Variants in GSE1 observed in about 807,000 individuals in gnomAD.
GSE1 encodes genetic suppressor element 1.
A neutral mutation model predicts 112.6 loss-of-function variants in GSE1; 32 were observed. The ratio of observed to expected loss-of-function variants is 0.28; its 90% CI spans 0.21 to 0.38. The LOEUF (loss-of-function observed/expected upper bound fraction) is 0.38. Ranked by LOEUF, GSE1 falls within the 10% of genes least tolerant of loss-of-function variation. The pLI is 1.00. For missense variants in GSE1, 2,348 were observed against 1,699.2 expected, an observed-to-expected ratio of 1.38 and a Z score of -6.71; for synonymous variants, 1,115 against 735.6, an observed-to-expected ratio of 1.52 and a Z score of -8.35.
intron 1 of GSE1, among the ~76,000 whole-genome samples, chr16:85,262,986 T>C (rs1907862203): frequency 6.6e-6 from 1 of 152,178 alleles, no homozygotes; most frequent in Admixed American, 6.5e-5. Context: ...GCTGAGCTTC[T>C]AGCAGGGAAG....
intron 2 of GSE1, among the ~76,000 whole-genome samples, chr16:85,399,631 G>C (rs1393932317): frequency 6.6e-6 from 1 of 152,212 alleles, no homozygotes; most frequent in African/African-American, 2.4e-5. Context: ...GCAGTACCAA[G>C]CTTCGTGTCC....
Position 85,277,599 on chromosome 16 carries a change from G to C in GSE1, c.2284-79864G>C, listed in dbSNP as rs995779433. 2.0e-5 allele frequency among the ~76,000 whole-genome samples: 3 copies of C among 152,296 alleles called. No individual in the cohort carries two copies. In the East Asian group the frequency reaches 5.8e-4, roughly 29 times the overall value. On this transcript the variant is annotated intron_variant, in intron 1 of 2. Coordinates refer to the GSE1 transcript ENST00000637419. ...CTGAAGCCCTCCCGCCTACCCACAG[G>C]TGCCTCATCCAGCCCAACTTCCACC... is the stretch of plus-strand genomic sequence containing the variant.
At chr16:85,425,945 G>A (rs1167985531) in intron 2 of GSE1, among the ~76,000 whole-genome samples, 1 of 152,158 alleles carries the variant, frequency 6.6e-6, no homozygotes, top group Admixed American at 6.6e-5. Context: ...GCTTGTCAGT[G>A]GCGAGGCCGG....
intron 1 of GSE1, among the ~76,000 whole-genome samples, chr16:85,343,402 C>T (rs905177643): frequency 7.9e-5 from 12 of 151,994 alleles, no homozygotes; most frequent in African/African-American, 1.2e-4. Flanking sequence ...TGAAGGGTGT[C>T]GGGGATGGCT....
chr16:85,373,902 C>A lies in GSE1; in HGVS notation c.2464+16259C>A, dbSNP rs1230456095. On this transcript the variant is annotated intron_variant, in intron 2 of 2. Coordinates refer to the GSE1 transcript ENST00000637419. This position sits in a 1 kb window ranked among gnomAD's most constrained non-coding sequence, Gnocchi z 5.1. ...TTCATGAGCGGCAGCCTCCAGGCACCCGCCCGGCCTCCCTCCCCGCTCCCC... is the reference window on the plus strand; with the variant it reads ...TTCATGAGCGGCAGCCTCCAGGCACACGCCCGGCCTCCCTCCCCGCTCCCC... 1.4e-4 allele frequency among the ~76,000 whole-genome samples: 22 copies of A among 152,162 alleles called. No individual in the cohort carries two copies. Among genetic ancestry groups the A allele is most frequent in the Admixed American group, 1.4e-3 (22 of 15,282 alleles).
chr16:85,559,903 C>T (rs2045430111), intron 1 of GSE1, among the ~76,000 whole-genome samples: 2 of 152,160 alleles, frequency 1.3e-5, no homozygotes, highest in Admixed American at 6.5e-5. Flanking sequence ...GGACTGGCCA[C>T]GCCTAAAATC....
At chr16:85,572,508 A>G (rs1410263163) in intron 1 of GSE1, among the ~76,000 whole-genome samples, 1 of 151,748 alleles carries the variant, frequency 6.6e-6, no homozygotes, top group Non-Finnish European at 1.5e-5. Context: ...CATACCACAC[A>G]CACCACACAC....
At position 85,661,748 on chromosome 16, in the gene GSE1, G is replaced by A. The variant is rs372510271; in HGVS notation, c.2243G>A (p.Arg748Gln). 83 of 1,536,704 alleles carry A rather than the reference G, an allele frequency of 5.4e-5. No individual in the cohort carries two copies. Among genetic ancestry groups the A allele is most frequent in the East Asian group, 9.5e-5 (4 of 41,906 alleles). ...CTGGACCTGGAGGAGCGCAGGCGGCGGGAGGCCCAGGAGAAAGGTCTGCCT... is the reference window on the plus strand; with the variant it reads ...CTGGACCTGGAGGAGCGCAGGCGGCAGGAGGCCCAGGAGAAAGGTCTGCCT... ...SKLDLEERRR[R>Q]EAQEKGYYYD... is the part of the protein sequence containing the mutation. Residue 748 changes from arginine (R) to glutamine (Q), a missense_variant, in exon 9 of 16, where the codon CGG (arginine) becomes CAG (glutamine). Transcript: ENST00000253458.
At chr16:85,659,908 C>T (rs567369301) in intron 8 of GSE1, among the ~76,000 whole-genome samples, 1 of 152,192 alleles carries the variant, frequency 6.6e-6, no homozygotes, top group East Asian at 1.9e-4. Flanking sequence ...GCAGTGGGGT[C>T]GCTGCAGTTG....
chr16:85,217,431 C>T (rs1051689357), intron 1 of GSE1, among the ~76,000 whole-genome samples: 2 of 152,182 alleles, frequency 1.3e-5, no homozygotes, highest in Admixed American at 6.5e-5. Context: ...GAACCGTGTG[C>T]CCTGCAGAGT....
intron 2 of GSE1, among the ~76,000 whole-genome samples, chr16:85,444,345 CAA>C (rs1373139582): frequency 6.6e-6 from 1 of 152,196 alleles, no homozygotes; most frequent in Non-Finnish European, 1.5e-5. Context: ...GACAGTGTCT[CAA>C]GAGGCTCTGA....
intron 1 of GSE1, among the ~76,000 whole-genome samples, chr16:85,300,616 G>C (rs1164137069): frequency 2.6e-5 from 4 of 152,240 alleles, no homozygotes; most frequent in Non-Finnish European, 5.9e-5. Flanking sequence ...GGGGGTGTCA[G>C]TGCCTCATTC....
chr16:85,280,209 G>C (rs1198246168), intron 1 of GSE1, among the ~76,000 whole-genome samples: 1 of 152,158 alleles, frequency 6.6e-6, no homozygotes, highest in Non-Finnish European at 1.5e-5. Context: ...TGGCCCAGGA[G>C]TCGGAGGTTT....
intron 2 of GSE1, among the ~76,000 whole-genome samples, chr16:85,514,412 C>A (rs181615054): frequency 7.2e-6 from 1 of 137,986 alleles, no homozygotes; most frequent in Non-Finnish European, 1.5e-5. Context: ...CCAGGATGCC[C>A]GCATGCTCTC....
intron 2 of GSE1, among the ~76,000 whole-genome samples, chr16:85,453,865 C>A (rs1468269663): frequency 6.6e-6 from 1 of 152,194 alleles, no homozygotes; most frequent in Admixed American, 6.5e-5. Context: ...GGGGGCTCAG[C>A]TGAGGCATGC....
chr16:85,478,935 TTC>T (rs2050581619), intron 2 of GSE1, among the ~76,000 whole-genome samples: 3 of 117,014 alleles, frequency 2.6e-5, no homozygotes, highest in African/African-American at 3.5e-5. Flanking sequence ...TTCTCTTTCT[TTC>T]TTTCTTTCTT....
At chr16:85,218,785 G>A (rs1010486593) in intron 1 of GSE1, among the ~76,000 whole-genome samples, 5 of 152,190 alleles carry the variant, frequency 3.3e-5, no homozygotes, top group African/African-American at 1.2e-4. Context: ...AGCTTCCAGC[G>A]TGCAGTAGCC....
intron 1 of GSE1, among the ~76,000 whole-genome samples, chr16:85,220,971 C>G (rs1038468968): frequency 3.3e-5 from 5 of 150,806 alleles, no homozygotes; most frequent in Non-Finnish European, 3.0e-5. Flanking sequence ...CCCTCTCCCC[C>G]TCCCTGGCCC....
At chr16:85,207,650 T>TCCCG (rs2075143259) in intron 1 of GSE1, 1 of 152,218 alleles carries the variant, frequency 6.6e-6, no homozygotes, top group Non-Finnish European at 1.5e-5. Context: ...CTGGGTTGAA[T>TCCCG]CCCGGCTCTG....
Sources: allele counts gnomAD v4.1 joint callset (sites outside exome capture counted in the v4.1 genomes callset), GRCh38; gene constraint gnomAD v4.1.1; non-coding constraint Gnocchi (gnomAD v3.1); transcripts MANE v1.5; gene names NCBI Gene and HGNC (gene_info 2026-07-23, HGNC 2026-07-21).